LEPROTL1: variants seen among roughly 807,000 people sequenced by gnomAD.
LEPROTL1 encodes the protein leptin receptor overlapping transcript-like 1.
A neutral mutation model predicts 15.4 loss-of-function variants in LEPROTL1; 6 were observed. The observed-to-expected ratio is 0.39, with a 90% CI of 0.21 to 0.77. The LOEUF is 0.77. Among genes scored for constraint, LEPROTL1 ranks in the 30% least tolerant of loss-of-function variants. The pLI is 0.41. For synonymous variants in LEPROTL1, 56 were observed against 52.6 expected, an observed-to-expected ratio of 1.06 and a Z score of -0.28; for missense variants, 128 against 158.1, an observed-to-expected ratio of 0.81 and a Z score of 1.02.
At chr8:30,137,360 CCG>C (rs1402482241) in exon 5 of LEPROTL1, 2 of 1,551,682 alleles carry the variant, frequency 1.3e-6, no homozygotes. Flanking sequence ...CTCCCAGCAG[CCG>C]CCATGAGAAG....
At chr8:30,127,255 C>T (rs1275125149) in intron 3 of LEPROTL1, among the ~76,000 whole-genome samples, 4 of 152,208 alleles carry the variant, frequency 2.6e-5, no homozygotes, top group Non-Finnish European at 2.9e-5. Context: ...TTAGCTTACC[C>T]TCCTCTTAGG....
intron 1 of LEPROTL1, among the ~76,000 whole-genome samples, chr8:30,101,353 C>T (rs1374237806): frequency 6.6e-6 from 1 of 152,086 alleles, no homozygotes; most frequent in African/African-American, 2.4e-5. Context: ...GGGGTACTAG[C>T]AGTAGGTTAG....
intron 1 of LEPROTL1, among the ~76,000 whole-genome samples, chr8:30,101,406 G>A (rs1259201466): frequency 2.6e-5 from 4 of 152,126 alleles, no homozygotes; most frequent in African/African-American, 4.8e-5. Context: ...GGTGGCTCAC[G>A]CCTGTAATCC....
At chr8:30,097,243 A>G (rs1030093653) in intron 1 of LEPROTL1, among the ~76,000 whole-genome samples, 4 of 152,236 alleles carry the variant, frequency 2.6e-5, no homozygotes, top group Admixed American at 6.5e-5. Flanking sequence ...CTAGTTGCCA[A>G]TTTCATAAGA....
chr8:30,097,402 G>T (rs910167449), intron 1 of LEPROTL1, among the ~76,000 whole-genome samples: 2 of 152,006 alleles, frequency 1.3e-5, no homozygotes, highest in Non-Finnish European at 2.9e-5. Context: ...TCCTGGCGCG[G>T]TGGCTCACAC....
Position 30,116,379 on chromosome 8 carries a change from G to A in LEPROTL1, c.279+11893G>A, listed in dbSNP as rs530468822. On this transcript the variant is annotated intron_variant, in intron 3 of 4. Transcript: ENST00000442880. ...AAGACAGTTTTTCCATGGACAGGGAGGCGGGGGATGGTTTTGGGATGAAAC... is the reference window on the plus strand; with the variant it reads ...AAGACAGTTTTTCCATGGACAGGGAAGCGGGGGATGGTTTTGGGATGAAAC... 2.6e-5 allele frequency among the ~76,000 whole-genome samples: 4 copies of A among 152,306 alleles called. No homozygotes were observed. The East Asian group carries it at 7.7e-4, about 29-fold the overall frequency.
chr8:30,116,157 C>A (rs2117505776), intron 3 of LEPROTL1, among the ~76,000 whole-genome samples: 1 of 152,190 alleles, frequency 6.6e-6, no homozygotes, highest in South Asian at 2.1e-4. Context: ...GGCAGAATCA[C>A]CTAAGCCTTG....
At chr8:30,134,701 C>A (rs968690763) in intron 4 of LEPROTL1, among the ~76,000 whole-genome samples, 8 of 151,984 alleles carry the variant, frequency 5.3e-5, no homozygotes, top group South Asian at 2.1e-4. Context: ...GTGCACGCCA[C>A]CACGCCCAGC....
chr8:30,105,711 C>T (rs1802553729), intron 3 of LEPROTL1, 35 bp from the exon 4 acceptor site: 4 of 1,557,038 alleles, frequency 2.6e-6, no homozygotes, highest in Admixed American at 3.8e-5. Flanking sequence ...TTTCGTTTTT[C>T]ATGCCTGTTG....
At chr8:30,103,018 A>T (rs948857265) in intron 2 of LEPROTL1, among the ~76,000 whole-genome samples, 27 of 152,152 alleles carry the variant, frequency 1.8e-4, no homozygotes, top group African/African-American at 6.3e-4. Context: ...ACAAAGATAT[A>T]TTTAGTGGGG....
At chr8:30,132,065 C>T (rs906175306) in intron 3 of LEPROTL1, 5 of 1,551,776 alleles carry the variant, frequency 3.2e-6, no homozygotes, top group Non-Finnish European at 4.4e-6. Context: ...ACCTCCACAG[C>T]CAGCATGATG....
chr8:30,115,218 CG>C (rs1363053908), intron 3 of LEPROTL1, among the ~76,000 whole-genome samples: 2 of 151,768 alleles, frequency 1.3e-5, no homozygotes, highest in Admixed American at 6.6e-5. Context: ...AAAAATTAGC[CG>C]GATGTGGTGC....
At position 30,113,951 on chromosome 8, in the gene LEPROTL1, T is replaced by C. The variant is rs545165668; in HGVS notation, c.279+9465T>C. On this transcript the variant is annotated intron_variant, in intron 3 of 4. Transcript: ENST00000442880. ...GCCACCCACCGGCCTAGGGAGACCCTAGCAACTGTTGTACAAAGTCAGGCT... is the reference window on the plus strand; with the variant it reads ...GCCACCCACCGGCCTAGGGAGACCCCAGCAACTGTTGTACAAAGTCAGGCT... Among the ~76,000 whole-genome samples, 68 of 152,298 alleles carry C rather than the reference T, an allele frequency of 4.5e-4. 2 individuals are homozygous for C. In the South Asian group the frequency reaches 0.013, roughly 30 times the overall value.
chr8:30,124,653 A>G (rs1196161169), intron 3 of LEPROTL1, among the ~76,000 whole-genome samples: 1 of 152,178 alleles, frequency 6.6e-6, no homozygotes, highest in East Asian at 1.9e-4. Context: ...GATCTAAACA[A>G]AGTCCATATA....
At chr8:30,134,408 CG>C (rs1013267588) in intron 4 of LEPROTL1, among the ~76,000 whole-genome samples, 64 of 149,974 alleles carry the variant, frequency 4.3e-4, no homozygotes, top group African/African-American at 1.4e-3. Flanking sequence ...GGTGATAGAG[CG>C]AGACTGCATC....
chr8:30,137,061 C>A (rs566356476), intron 4 of LEPROTL1, among the ~76,000 whole-genome samples: 1 of 151,996 alleles, frequency 6.6e-6, no homozygotes, highest in Admixed American at 6.6e-5. Flanking sequence ...GCAAGTGAAC[C>A]AACCGCAGGC....
intron 3 of LEPROTL1, among the ~76,000 whole-genome samples, chr8:30,114,701 G>A (rs1033285335): frequency 6.6e-6 from 1 of 152,320 alleles, no homozygotes; most frequent in East Asian, 1.9e-4. Context: ...TGCTTCAGCA[G>A]CGAACGACTC....
intron 3 of LEPROTL1, among the ~76,000 whole-genome samples, chr8:30,130,219 A>T (rs181084900): frequency 2.0e-5 from 3 of 152,346 alleles, no homozygotes; most frequent in Admixed American, 2.0e-4. Flanking sequence ...CTAGATAAGC[A>T]GATGGTTTTA....
chr8:30,115,058 C>CT (rs1202293222), intron 3 of LEPROTL1, among the ~76,000 whole-genome samples: 6 of 152,094 alleles, frequency 3.9e-5, no homozygotes, highest in African/African-American at 1.2e-4. Context: ...CAGTATTTGA[C>CT]TTTTTTCTGA....
Sources: allele counts gnomAD v4.1 joint callset (sites outside exome capture counted in the v4.1 genomes callset), GRCh38; gene constraint gnomAD v4.1.1; transcripts MANE v1.5; gene names NCBI Gene and HGNC (gene_info 2026-07-23, HGNC 2026-07-21).